Variants in PTPRD observed in about 807,000 individuals in gnomAD.
PTPRD encodes the protein protein tyrosine phosphatase receptor type D.
PTPRD carries 34 observed loss-of-function variants against 214.5 expected under a neutral mutation model. The observed-to-expected ratio is 0.16, with a 90% confidence interval of 0.12 to 0.21. The LOEUF (loss-of-function observed/expected upper bound fraction) is 0.21. Ranked by LOEUF, PTPRD falls within the 10% of genes least tolerant of loss-of-function variation. The probability of loss-of-function intolerance (pLI) is 1.00; values close to 1 mark genes in which losing one functional copy is unlikely to be tolerated. For synonymous variants in PTPRD, 1,128 were observed against 845.7 expected (o/e 1.33, Z -5.79); for missense variants, 2,545 against 2,398.7 (o/e 1.06, Z -1.27).
At chr9:9,472,482 C>A (rs1332468611) in intron 8 of PTPRD, among the ~76,000 whole-genome samples, 1 of 151,916 alleles carries the variant, frequency 6.6e-6, no homozygotes, top group Non-Finnish European at 1.5e-5. Context: ...GGATTACAGG[C>A]GTGAGCCACC....
chr9:9,889,013 G>C (rs138039200), intron 5 of PTPRD, among the ~76,000 whole-genome samples: 1 of 152,106 alleles, frequency 6.6e-6, no homozygotes, highest in African/African-American at 2.4e-5. Flanking sequence ...AAATAAGCTA[G>C]GTACAGAAAG....
At chr9:10,293,429 G>A (rs1250595964) in intron 3 of PTPRD, among the ~76,000 whole-genome samples, 1 of 151,866 alleles carries the variant, frequency 6.6e-6, no homozygotes, top group Non-Finnish European at 1.5e-5. Flanking sequence ...AGGAGATCCA[G>A]CATTTGATAT....
chr9:9,505,204 G>A (rs979651642), intron 8 of PTPRD, among the ~76,000 whole-genome samples: 2 of 151,456 alleles, frequency 1.3e-5, no homozygotes, highest in Non-Finnish European at 3.0e-5. Context: ...TGGAGGACTT[G>A]GTCTACCACA....
At chr9:8,549,404 T>C (rs1224973838) in intron 14 of PTPRD, among the ~76,000 whole-genome samples, 4 of 152,154 alleles carry the variant, frequency 2.6e-5, no homozygotes, top group Non-Finnish European at 5.9e-5. Flanking sequence ...TTCTCTCATA[T>C]GAAAATGACA....
intron 11 of PTPRD, among the ~76,000 whole-genome samples, chr9:9,007,312 T>C (rs377031178): frequency 1.7e-4 from 26 of 151,174 alleles, no homozygotes; most frequent in African/African-American, 5.8e-4. Context: ...GACTTTGTGC[T>C]AACTGGTAGC....
chr9:10,177,496 G>C (rs988673674), intron 3 of PTPRD, among the ~76,000 whole-genome samples: 1 of 150,134 alleles, frequency 6.7e-6, no homozygotes, highest in Admixed American at 6.7e-5. Flanking sequence ...ATATTGGAAA[G>C]AACACACTGG....
chr9:10,159,055 C>T (rs183026962), intron 3 of PTPRD, among the ~76,000 whole-genome samples: 1 of 152,202 alleles, frequency 6.6e-6, no homozygotes, highest in Admixed American at 6.5e-5. Flanking sequence ...CCTTCTCACA[C>T]TAATTGGAAA....
intron 9 of PTPRD, among the ~76,000 whole-genome samples, chr9:9,251,198 G>T (rs1047205921): frequency 1.3e-5 from 2 of 152,140 alleles, no homozygotes; most frequent in East Asian, 3.9e-4. Context: ...CAGGGTTGAG[G>T]TTCCATTTTG....
chr9:8,762,755 C>T (rs139109531), intron 11 of PTPRD, among the ~76,000 whole-genome samples: 311 of 152,248 alleles, frequency 2.0e-3, no homozygotes, highest in African/African-American at 7.1e-3. Context: ...ATAGGAAAAA[C>T]GTCTCTCTTT....
At chr9:9,485,848 C>G (rs1470752560) in intron 8 of PTPRD, among the ~76,000 whole-genome samples, 2 of 152,036 alleles carry the variant, frequency 1.3e-5, no homozygotes, top group East Asian at 1.9e-4. Flanking sequence ...TATGTCTGCC[C>G]AAATCTCTAC....
At chr9:9,036,703 AT>A (rs1450739557) in intron 10 of PTPRD, among the ~76,000 whole-genome samples, 1 of 152,188 alleles carries the variant, frequency 6.6e-6, no homozygotes, top group Non-Finnish European at 1.5e-5. Context: ...TGTATTGTTT[AT>A]CTTTACATCC....
chr9:10,143,150 G>A lies in PTPRD; in HGVS notation c.-544-109360C>T, dbSNP rs528086738. On this transcript the variant is annotated intron_variant, in intron 3 of 45. Coordinates refer to ENST00000381196, the MANE Select transcript of PTPRD (RefSeq NM_002839.4). ...GAGGTGGGGGGAGGGGAGAGGGATA[G>A]CATTGGGAGATATACCTAATGCTAG... Among the ~76,000 whole-genome samples, 125 of 152,240 alleles carry A rather than the reference G, an allele frequency of 8.2e-4. 3 individuals are homozygous for A. The South Asian group carries it at 0.024, about 29-fold the overall frequency.
chr9:10,161,760 C>A (rs1265548015), intron 3 of PTPRD, among the ~76,000 whole-genome samples: 1 of 151,478 alleles, frequency 6.6e-6, no homozygotes, highest in Non-Finnish European at 1.5e-5. Context: ...AAAGACATAA[C>A]TTAAATGGGA....
chr9:8,999,660 T>C (rs1567503598), intron 11 of PTPRD, among the ~76,000 whole-genome samples: 1 of 152,000 alleles, frequency 6.6e-6, no homozygotes, highest in Non-Finnish European at 1.5e-5. Flanking sequence ...TCAGTATTAT[T>C]TCCTCTACAG....
At chr9:8,586,597 G>A (rs1351736685) in intron 14 of PTPRD, among the ~76,000 whole-genome samples, 3 of 152,116 alleles carry the variant, frequency 2.0e-5, no homozygotes, top group Non-Finnish European at 2.9e-5. Flanking sequence ...CCACAACACA[G>A]TATGACTTTT....
intron 5 of PTPRD, among the ~76,000 whole-genome samples, chr9:9,845,952 A>G (rs1349038230): frequency 6.6e-6 from 1 of 152,086 alleles, no homozygotes; most frequent in African/African-American, 2.4e-5. Flanking sequence ...AGAAAAAGCA[A>G]CAGTTTGATG....
intron 3 of PTPRD, among the ~76,000 whole-genome samples, chr9:10,314,233 C>T (rs1346388438): frequency 2.6e-5 from 4 of 151,696 alleles, no homozygotes; most frequent in South Asian, 4.1e-4. Flanking sequence ...GTGTGAAGAA[C>T]AGATTGAAAA....
intron 11 of PTPRD, among the ~76,000 whole-genome samples, chr9:8,840,865 G>A (rs937091013): frequency 2.6e-5 from 4 of 152,100 alleles, no homozygotes; most frequent in African/African-American, 9.7e-5. Flanking sequence ...TACTGTACTG[G>A]CTCTGGTACT....
chr9:8,868,888 A>G (rs1196958515), intron 11 of PTPRD, among the ~76,000 whole-genome samples: 1 of 152,158 alleles, frequency 6.6e-6, no homozygotes, highest in Non-Finnish European at 1.5e-5. Flanking sequence ...AAGTCATTCT[A>G]AGAATGTGGG....
Sources: allele counts gnomAD v4.1 joint callset (sites outside exome capture counted in the v4.1 genomes callset), GRCh38; gene constraint gnomAD v4.1.1; transcripts MANE v1.5; gene names NCBI Gene and HGNC (gene_info 2026-07-23, HGNC 2026-07-21).